The following MAPK1IP1L variants were observed in gnomAD, a reference collection of about 807,000 sequenced individuals.
MAPK1IP1L encodes the protein mitogen-activated protein kinase 1 interacting protein 1 like.
MAPK1IP1L carries 10 observed loss-of-function variants against 18.1 expected under a neutral mutation model. The ratio of observed to expected loss-of-function variants is 0.55; its 90% CI spans 0.34 to 0.94. MAPK1IP1L has a LOEUF of 0.94. MAPK1IP1L is among the 40% of genes least tolerant of loss of function. MAPK1IP1L has a pLI of 0.02. For synonymous variants in MAPK1IP1L, 115 were observed against 117.3 expected (o/e 0.98, Z 0.13); for missense variants, 260 against 318.2 (o/e 0.82, Z 1.39).
Position 55,064,889 on chromosome 14 carries a change from T to C in MAPK1IP1L, c.*262T>C, listed in dbSNP as rs1393341103. ...TGGAAAGTTAAAGTGATAAAGTATA[T>C]TGAATAGTTCTTTGACAGAATTTGT... On this transcript the variant is annotated 3_prime_UTR_variant, in exon 4 of 4. Transcript: ENST00000395468. 1.4e-5 allele frequency: 5 copies of C among 361,110 alleles called. No individual in the cohort carries two copies. The highest frequency in any genetic ancestry group is 2.5e-5 in the Non-Finnish European group (5 of 200,448). The allele number at this position is 361,110 out of a possible 1,614,324, so 22.4% of individuals were successfully genotyped here.
intron 1 of MAPK1IP1L, among the ~76,000 whole-genome samples, chr14:55,058,125 G>A (rs182299108): frequency 1.9e-3 from 285 of 152,238 alleles, no homozygotes; most frequent in African/African-American, 6.5e-3. Flanking sequence ...CTACACCCAC[G>A]CTCACAGACT....
intron 1 of MAPK1IP1L, 37 bp from the exon 2 acceptor site, chr14:55,061,643 A>T: frequency 1.4e-6 from 2 of 1,471,978 alleles, no homozygotes; most frequent in African/African-American, 2.8e-5. Context: ...TGATTTTGAA[A>T]TTTTTCTTTC....
chr14:55,054,648 TGTCAAAAGATAACC>T (rs1390868114), intron 1 of MAPK1IP1L, among the ~76,000 whole-genome samples: 2 of 152,232 alleles, frequency 1.3e-5, no homozygotes, highest in East Asian at 3.8e-4. Context: ...AGAAGTTTTT[TGTCAAAAGATAACC>T]GTCAAAAGGA....
chr14:55,060,154 A>ATTTTTTTTTTTTTTTTTTTTTTTTT (rs71131248), intron 1 of MAPK1IP1L, among the ~76,000 whole-genome samples: 2 of 63,890 alleles, frequency 3.1e-5, no homozygotes, highest in African/African-American at 6.4e-5. Context: ...TTTTGGAGAA[A>ATTTTTTTTTTTTTTTTTTTTTTTTT]TTTTTTTTTT....
intron 1 of MAPK1IP1L, 131 bp from the exon 2 acceptor site, chr14:55,061,549 C>A: frequency 3.1e-6 from 2 of 648,886 alleles, no homozygotes; most frequent in Non-Finnish European, 5.2e-6. Flanking sequence ...AAGAAAAACA[C>A]ATTACATAAA....
chr14:55,063,048 C>T lies in MAPK1IP1L; in HGVS notation c.449C>T (p.Ser150Phe), dbSNP rs747485330. ...TTAGGTCCATGGGGATCCATGTCTTCTGGACCTTGGGCGCCAGGAATGGGA... is the reference window on the plus strand; with the variant it reads ...TTAGGTCCATGGGGATCCATGTCTTTTGGACCTTGGGCGCCAGGAATGGGA... ...GPLGPWGSMS[S>F]GPWAPGMGGQ... The change falls in exon 3 of 4, where the codon TCT (serine) becomes TTT (phenylalanine). Residue 150 changes from serine to phenylalanine, a missense_variant. By Grantham distance (155) the Ser-to-Phe change is radical. Transcript: ENST00000395468. 1 of 1,613,960 alleles carries T rather than the reference C, an allele frequency of 6.2e-7. No individual in the cohort carries two copies.
chr14:55,062,359 A>C (rs1338395344), intron 2 of MAPK1IP1L, among the ~76,000 whole-genome samples: 5 of 152,230 alleles, frequency 3.3e-5, no homozygotes. Context: ...AATACAGCAG[A>C]GAAATGAAGC....
At position 55,062,752 on chromosome 14, in the gene MAPK1IP1L, T is replaced by A. The variant is rs771461017; in HGVS notation, c.153T>A (p.Ser51=). The A allele has an allele frequency of 1.9e-6, 3 of 1,614,042 alleles. No homozygotes were observed. The East Asian group carries it at 6.7e-5, about 36-fold the overall frequency. The part of the protein sequence containing the change: ...NNPSAPSSVP[S]GLPPSATPST... ...CGAGTGCTCCATCTTCAGTGCCATC[T>A]GGACTCCCACCAAGTGCAACACCCT... is the stretch of plus-strand genomic sequence containing the variant. The change falls in exon 3 of 4, where the codon TCT becomes TCA. Residue 51 remains serine (S), a synonymous_variant. Transcript: ENST00000395468.
At chr14:55,059,225 G>GAAAAAAAAAAAAAAAAAAAAAAAAATAA (rs3078612) in intron 1 of MAPK1IP1L, among the ~76,000 whole-genome samples, 5 of 63,276 alleles carry the variant, frequency 7.9e-5, no homozygotes, top group East Asian at 1.0e-3. Flanking sequence ...AGGAAAATCT[G>GAAAAAAAAAAAAAAAAAAAAAAAAATAA]AAAAAAAAAA....
At chr14:55,054,785 C>G (rs1043505044) in intron 1 of MAPK1IP1L, among the ~76,000 whole-genome samples, 1 of 152,198 alleles carries the variant, frequency 6.6e-6, no homozygotes, top group Non-Finnish European at 1.5e-5. Flanking sequence ...GAGTTCAACT[C>G]TCTTAACCAC....
chr14:55,053,148 A>C (rs902332376), intron 1 of MAPK1IP1L, among the ~76,000 whole-genome samples: 1 of 152,252 alleles, frequency 6.6e-6, no homozygotes, highest in African/African-American at 2.4e-5. Context: ...AAAAGTAGGC[A>C]TCATAAAAGC....
chr14:55,051,707 TAGCTGCCGTCAGTCA>T lies in MAPK1IP1L; in HGVS notation c.-100_-86del, dbSNP rs759726234. 2 of 516,372 alleles carry T rather than the reference TAGCTGCCGTCAGTCA, an allele frequency of 3.9e-6. No homozygotes were observed. The highest frequency in any genetic ancestry group is 2.8e-5 in the South Asian group (2 of 71,468). 32.0% of individuals were successfully genotyped at this position (516,372 alleles called of 1,614,324 possible). On this transcript the variant is annotated 5_prime_UTR_variant, in exon 1 of 4. Coordinates refer to ENST00000395468, the MANE Select transcript of MAPK1IP1L (RefSeq NM_144578.4). Reference sequence around the variant, plus strand: ...GCTGGTGCTGTTGCCGCCGCTGCTCTAGCTGCCGTCAGTCAGGCTGCGCCCGCGTCTTCAGGGCCC... The same window carrying T: ...GCTGGTGCTGTTGCCGCCGCTGCTCTGGCTGCGCCCGCGTCTTCAGGGCCC...
intron 1 of MAPK1IP1L, among the ~76,000 whole-genome samples, chr14:55,056,451 TTTA>T (rs1453503587): frequency 6.6e-6 from 1 of 152,102 alleles, no homozygotes; most frequent in East Asian, 1.9e-4. Flanking sequence ...TCCTAAAAAT[TTTA>T]TTGTGTGATG....
At chr14:55,052,495 T>G (rs898159483) in intron 1 of MAPK1IP1L, among the ~76,000 whole-genome samples, 7 of 152,330 alleles carry the variant, frequency 4.6e-5, no homozygotes, top group African/African-American at 1.7e-4. Context: ...TATGCATAGC[T>G]GGACCGTTTT....
In MAPK1IP1L at chr14:55,063,162, CTGTT is replaced by C; in HGVS notation, c.564_567del (p.Val189HisfsTer92). 1 of 1,614,130 alleles carries C rather than the reference CTGTT, an allele frequency of 6.2e-7. No homozygotes were observed. The highest frequency in any genetic ancestry group is 1.7e-5 in the Admixed American group (1 of 60,026). On this transcript the variant is annotated frameshift_variant, in exon 3 of 4. Coordinates refer to ENST00000395468, the MANE Select transcript of MAPK1IP1L (RefSeq NM_144578.4). LOFTEE classifies it high-confidence loss of function. ...CCCCAAGCCCCTGGGGCAGCACCAC[CTGTT>C]CCATGGGGCACCGTTCCACCAGGAG...
In MAPK1IP1L at chr14:55,068,271, T is replaced by G. The variant is rs2140264869; in HGVS notation, c.*3644T>G. 1 of 152,766 alleles carries G rather than the reference T, an allele frequency of 6.5e-6. No homozygotes were observed. The highest frequency in any genetic ancestry group is 2.4e-5 in the African/African-American group (1 of 41,588). 9.5% of individuals were successfully genotyped at this position (152,766 alleles called of 1,614,324 possible). A position where few individuals can be genotyped will look rare whatever the true frequency, so the allele number is the denominator to read the frequency against. ...GCCTCAGTCAGTCCCACCACCACAA[T>G]GGACTATTGGGATATTTTCTAAAAA... On this transcript the variant is annotated 3_prime_UTR_variant, in exon 4 of 4. Transcript: ENST00000395468.
At chr14:55,059,284 T>C (rs2042797389) in intron 1 of MAPK1IP1L, among the ~76,000 whole-genome samples, 1 of 138,274 alleles carries the variant, frequency 7.2e-6, no homozygotes, top group Non-Finnish European at 1.5e-5. Context: ...ATTTAAAATA[T>C]ATTGTAAAGC....
In MAPK1IP1L at chr14:55,051,744, G is replaced by T. The variant is rs534854943; in HGVS notation, c.-64G>T. 3.9e-6 allele frequency: 2 copies of T among 515,742 alleles called. No individual in the cohort carries two copies. Among genetic ancestry groups the T allele is most frequent in the Non-Finnish European group, 7.7e-6 (2 of 259,296 alleles). The allele number at this position is 515,742 out of a possible 1,614,324, so 31.9% of individuals were successfully genotyped here. On this transcript the variant is annotated 5_prime_UTR_variant, in exon 1 of 4. Coordinates refer to ENST00000395468, the MANE Select transcript of MAPK1IP1L (RefSeq NM_144578.4). ...GTCAGGCTGCGCCCGCGTCTTCAGG[G>T]CCCAGTCCCTCGGACCCATCGCCGC...
At chr14:55,060,241 G>A (rs1399492523) in intron 1 of MAPK1IP1L, 1 of 130,418 alleles carries the variant, frequency 7.7e-6, no homozygotes, top group Non-Finnish European at 1.5e-5. Flanking sequence ...GCGCAATCTC[G>A]GCTCACTGCA....
Sources: gnomAD v4.1 joint callset for allele counts (sites outside exome capture counted in the v4.1 genomes callset) on GRCh38, gnomAD v4.1.1 for gene constraint, MANE v1.5 for transcripts, NCBI Gene and HGNC (gene_info 2026-07-23, HGNC 2026-07-21) for gene names.